The following AGBL1 variants were observed in gnomAD, a reference collection of about 807,000 sequenced individuals.
The protein encoded by AGBL1 is cytosolic carboxypeptidase 4.
AGBL1 carries 130 observed loss-of-function variants against 118.9 expected under a neutral mutation model. The ratio of observed to expected loss-of-function variants is 1.09; its 90% CI spans 0.95 to 1.26. The LOEUF (loss-of-function observed/expected upper bound fraction) is 1.26, where lower values mean the gene tolerates loss of function less well. AGBL1 is among the 50% of genes most tolerant of loss of function. The pLI is 0.00. For synonymous variants in AGBL1, 555 were observed against 478.9 expected (o/e 1.16, Z -2.08); for missense variants, 1,584 against 1,298.1 (o/e 1.22, Z -3.38).
chr15:86,687,439 A>T (rs568143768), intron 22 of AGBL1, among the ~76,000 whole-genome samples: 1 of 152,262 alleles, frequency 6.6e-6, no homozygotes, highest in South Asian at 2.1e-4. Context: ...CCTACCCAAG[A>T]ACAATGGCCT....
chr15:86,156,611 C>T (rs781405700), intron 4 of AGBL1, among the ~76,000 whole-genome samples: 3 of 152,206 alleles, frequency 2.0e-5, no homozygotes, highest in Middle Eastern at 3.4e-3. Context: ...GCATGTTCGT[C>T]ACATGGCAAC....
At chr15:86,266,621 G>A (rs8040122) in intron 12 of AGBL1, among the ~76,000 whole-genome samples, 164 bp downstream of exon 12, 23,497 of 152,176 alleles carry the variant, frequency 0.15, 1,920 homozygotes, top group Admixed American at 0.19. Flanking sequence ...AAGAATCATC[G>A]GCCAGGCGCA....
intron 22 of AGBL1, among the ~76,000 whole-genome samples, chr15:86,808,320 C>G: frequency 6.6e-6 from 1 of 152,136 alleles, no homozygotes; most frequent in East Asian, 1.9e-4. Flanking sequence ...TTTGCACAAA[C>G]TTCAGAAAAC....
intron 5 of AGBL1, among the ~76,000 whole-genome samples, chr15:86,179,330 A>T (rs1477270740): frequency 6.6e-6 from 1 of 152,228 alleles, no homozygotes; most frequent in African/African-American, 2.4e-5. Context: ...ACCCAATTTT[A>T]GTAAATTGTT....
At chr15:86,844,042 C>T (rs920051194) in intron 22 of AGBL1, among the ~76,000 whole-genome samples, 2 of 152,114 alleles carry the variant, frequency 1.3e-5, no homozygotes, top group African/African-American at 2.4e-5. Context: ...ATTCATCTAT[C>T]TTATAGCATT....
intron 23 of AGBL1, among the ~76,000 whole-genome samples, chr15:86,985,250 A>C (rs2081270497): frequency 6.6e-6 from 1 of 152,164 alleles, no homozygotes; most frequent in African/African-American, 2.4e-5. Flanking sequence ...CTCTTGGGTA[A>C]GTATCTGGTA....
At chr15:86,335,444 G>A (rs1044305441) in intron 17 of AGBL1, among the ~76,000 whole-genome samples, 2 of 152,042 alleles carry the variant, frequency 1.3e-5, no homozygotes, top group Admixed American at 1.3e-4. Flanking sequence ...GGCCTAGATT[G>A]AGAAGTTCGA....
chr15:86,575,368 G>C (rs2084075553), intron 21 of AGBL1, among the ~76,000 whole-genome samples: 1 of 149,512 alleles, frequency 6.7e-6, no homozygotes, highest in Non-Finnish European at 1.5e-5. Context: ...GGTGTGGTTG[G>C]ACCCACCTGA....
At chr15:86,709,374 C>A (rs969636196) in intron 22 of AGBL1, among the ~76,000 whole-genome samples, 2 of 152,010 alleles carry the variant, frequency 1.3e-5, no homozygotes, top group Admixed American at 1.3e-4. Context: ...GGCAGGGGAA[C>A]AAAAACTCTT....
Position 86,729,908 on chromosome 15 carries a change from T to C in AGBL1, c.3158+55472T>C, listed in dbSNP as rs150315030. Among the ~76,000 whole-genome samples the C allele has an allele frequency of 3.1e-3, 465 of 152,328 alleles. 2 individuals are homozygous for C. The highest frequency in any genetic ancestry group is 0.011 in the African/African-American group (444 of 41,576). On this transcript the variant is annotated intron_variant, in intron 22 of 22. Coordinates refer to ENST00000614907, the MANE Select transcript of AGBL1 (RefSeq NM_001386094.1). Reference sequence around the variant, plus strand: ...CCACCGGCAGTATATAAGCATTCTCTTTTCTCCACAACCTCAGCAACATCT... The same window carrying C: ...CCACCGGCAGTATATAAGCATTCTCCTTTCTCCACAACCTCAGCAACATCT...
In AGBL1 at chr15:86,970,645, T is replaced by C. The variant is rs576414282; in HGVS notation, c.3222-17342T>C. On this transcript the variant is annotated intron_variant, in intron 23 of 24. Transcript: ENST00000441037. Reference sequence around the variant, plus strand: ...TTGATTTGATAATGCAGAAGCAATATGTGATAGCCAATTTTTCTCTTTATC... The same window carrying C: ...TTGATTTGATAATGCAGAAGCAATACGTGATAGCCAATTTTTCTCTTTATC... Among the ~76,000 whole-genome samples the C allele has an allele frequency of 2.0e-5, 3 of 152,080 alleles. No homozygotes were observed. The South Asian group carries it at 6.2e-4, about 31-fold the overall frequency.
At chr15:86,130,408 T>C (rs140810607) in intron 1 of AGBL1, among the ~76,000 whole-genome samples, 30 of 152,278 alleles carry the variant, frequency 2.0e-4, no homozygotes, top group Non-Finnish European at 3.7e-4. Context: ...GTTATGGAAC[T>C]GGAAGGAGCC....
At chr15:86,785,329 G>A (rs1172289964) in intron 22 of AGBL1, among the ~76,000 whole-genome samples, 1 of 150,978 alleles carries the variant, frequency 6.6e-6, no homozygotes, top group African/African-American at 2.4e-5. Context: ...GATTCAAAAG[G>A]TCTGGGAAGA....
chr15:86,524,460 TAC>T (rs2083234734), intron 19 of AGBL1, among the ~76,000 whole-genome samples: 1 of 152,186 alleles, frequency 6.6e-6, no homozygotes, highest in Admixed American at 6.5e-5. Flanking sequence ...CCAGTAGAGA[TAC>T]ACAGACAGTG....
intron 17 of AGBL1, among the ~76,000 whole-genome samples, chr15:86,390,106 C>A (rs953079637): frequency 1.3e-5 from 2 of 152,036 alleles, no homozygotes; most frequent in Non-Finnish European, 2.9e-5. Flanking sequence ...AGAAAGCCAG[C>A]AAAGCTATAT....
intron 17 of AGBL1, among the ~76,000 whole-genome samples, chr15:86,363,185 C>G (rs890116358): frequency 6.6e-6 from 1 of 152,068 alleles, no homozygotes; most frequent in Non-Finnish European, 1.5e-5. Flanking sequence ...TATCTGGATC[C>G]TAAAGCTCCT....
At chr15:86,835,486 A>G (rs2079158851) in intron 22 of AGBL1, among the ~76,000 whole-genome samples, 1 of 152,198 alleles carries the variant, frequency 6.6e-6, no homozygotes, top group South Asian at 2.1e-4. Context: ...GGCATAGACC[A>G]GTGTAGGGAC....
intron 22 of AGBL1, among the ~76,000 whole-genome samples, chr15:86,732,834 A>G (rs774492639): frequency 2.6e-5 from 4 of 151,720 alleles, no homozygotes; most frequent in Non-Finnish European, 5.9e-5. Flanking sequence ...TAGAAGATAT[A>G]TTAGGGTTCT....
intron 7 of AGBL1, among the ~76,000 whole-genome samples, chr15:86,253,271 G>A (rs181709991): frequency 3.4e-4 from 51 of 152,228 alleles, no homozygotes; most frequent in African/African-American, 1.2e-3. Flanking sequence ...TTTGTTTTGA[G>A]ATGGAGTCTC....
Sources: gnomAD v4.1 joint callset for allele counts (sites outside exome capture counted in the v4.1 genomes callset) on GRCh38, gnomAD v4.1.1 for gene constraint, MANE v1.5 for transcripts, NCBI Gene and HGNC (gene_info 2026-07-23, HGNC 2026-07-21) for gene names.